The following CEP83 variants were observed in gnomAD, a reference collection of about 807,000 sequenced individuals.
CEP83 encodes the protein centrosomal protein 83.
CEP83 carries 70 observed loss-of-function variants against 101.9 expected under a neutral mutation model. That is an observed-to-expected ratio of 0.69 (90% CI 0.57 to 0.84). The LOEUF is 0.84. Ranked by LOEUF, CEP83 falls within the 40% of genes least tolerant of loss-of-function variation. CEP83 has a pLI of 0.00. For missense variants in CEP83, 715 were observed against 787.2 expected (o/e 0.91, Z 1.10); for synonymous variants, 264 against 267.9 (o/e 0.99, Z 0.14).
intron 2 of CEP83, among the ~76,000 whole-genome samples, chr12:94,431,965 CA>C (rs1302602216): frequency 1.3e-5 from 2 of 151,990 alleles, no homozygotes; most frequent in African/African-American, 4.8e-5. Flanking sequence ...ATCAGCATGT[CA>C]AAGGGATACC....
chr12:94,271,571 G>A, the CEP83 span, among the ~76,000 whole-genome samples: 2 of 152,196 alleles, frequency 1.3e-5, no homozygotes, highest in Non-Finnish European at 2.9e-5. Flanking sequence ...GTTTGAATCT[G>A]GGCTCAGCCA....
At chr12:94,419,768 C>T (rs78428051) in intron 2 of CEP83, among the ~76,000 whole-genome samples, 8,623 of 152,024 alleles carry the variant, frequency 0.057, 272 homozygotes, top group Non-Finnish European at 0.072. Context: ...TCAATAAAGG[C>T]CACTGGGACA....
chr12:94,380,242 A>G (rs1013303040), intron 6 of CEP83, among the ~76,000 whole-genome samples: 1 of 152,160 alleles, frequency 6.6e-6, no homozygotes, highest in Non-Finnish European at 1.5e-5. Flanking sequence ...ACACCTGTAA[A>G]ATGGGAAACT....
chr12:94,403,041 T>C (rs2137616394), intron 5 of CEP83, 129 bp downstream of exon 5: 4 of 547,162 alleles, frequency 7.3e-6, no homozygotes, highest in East Asian at 6.1e-5. Flanking sequence ...TGTGAAGCCT[T>C]AGAGGCCACT....
intron 14 of CEP83, among the ~76,000 whole-genome samples, chr12:94,330,239 ACAACT>A (rs1177217919): frequency 1.3e-5 from 2 of 152,120 alleles, no homozygotes; most frequent in Non-Finnish European, 2.9e-5. Context: ...TCAAATGAAG[ACAACT>A]CAAATCATTT....
chr12:94,350,786 A>G lies in CEP83; in HGVS notation c.1344-15122T>C, dbSNP rs969465476. Among the ~76,000 whole-genome samples, 7 of 152,340 alleles carry G rather than the reference A, an allele frequency of 4.6e-5. No homozygotes were observed. In the South Asian group the frequency reaches 8.3e-4, roughly 18 times the overall value. On this transcript the variant is annotated intron_variant, in intron 11 of 16. Coordinates refer to ENST00000397809, the MANE Select transcript of CEP83 (RefSeq NM_016122.3). ...AGAGAAAAACTAAACAAGAATAAAA[A>G]ATAAAATTTTTAAATGGACAAAAAA... is the stretch of plus-strand genomic sequence containing the variant.
At chr12:94,392,541 A>G (rs2062614964) in intron 6 of CEP83, among the ~76,000 whole-genome samples, 1 of 152,244 alleles carries the variant, frequency 6.6e-6, no homozygotes, top group Admixed American at 6.5e-5. Flanking sequence ...AAAGCAGGAA[A>G]GATCTAAAAT....
At chr12:94,353,857 T>TAA (rs35029140) in intron 11 of CEP83, among the ~76,000 whole-genome samples, 44 of 147,564 alleles carry the variant, frequency 3.0e-4, no homozygotes, top group Non-Finnish European at 4.3e-4. Context: ...AAAAGAACTG[T>TAA]AAAAAAAAAA....
At chr12:94,375,153 GGA>G (rs1358088704) in intron 8 of CEP83, among the ~76,000 whole-genome samples, 1 of 152,030 alleles carries the variant, frequency 6.6e-6, no homozygotes, top group Non-Finnish European at 1.5e-5. Context: ...GGAAAGAAAA[GGA>G]GAGACCAAAA....
chr12:94,321,901 C>T lies in CEP83; in HGVS notation c.1708-8884G>A, dbSNP rs200598212. Among the ~76,000 whole-genome samples, 13 of 152,272 alleles carry T rather than the reference C, an allele frequency of 8.5e-5. No homozygotes were observed. In the East Asian group the frequency reaches 1.2e-3, roughly 14 times the overall value. On this transcript the variant is annotated intron_variant, in intron 14 of 16. Transcript: ENST00000397809. ...TCAAGGACCCAAATAACAGTCTGGC[C>T]ACTTTTCCATAGGGCTGCTACAGTA...
intron 11 of CEP83, among the ~76,000 whole-genome samples, chr12:94,349,103 T>C (rs1387512842): frequency 6.6e-6 from 1 of 151,838 alleles, no homozygotes; most frequent in Non-Finnish European, 1.5e-5. Flanking sequence ...CTGGCCAACA[T>C]AGTGAAACAC....
chr12:94,340,062 A>C (rs1242776154), intron 11 of CEP83, among the ~76,000 whole-genome samples: 1 of 152,242 alleles, frequency 6.6e-6, no homozygotes, highest in Non-Finnish European at 1.5e-5. Flanking sequence ...GTTTTTAAAA[A>C]AGCAAATATC....
intron 1 of CEP83, among the ~76,000 whole-genome samples, chr12:94,456,880 C>A (rs2067722321): frequency 6.6e-6 from 1 of 152,156 alleles, no homozygotes; most frequent in Non-Finnish European, 1.5e-5. Flanking sequence ...TCATCGAGAT[C>A]TGAAGTCCTG....
At position 94,406,622 on chromosome 12, in the gene CEP83, T is replaced by C. The variant is rs189926411; in HGVS notation, c.325-3360A>G. On this transcript the variant is annotated intron_variant, in intron 4 of 16. Coordinates refer to ENST00000397809, the MANE Select transcript of CEP83 (RefSeq NM_016122.3). ...TAGAGAAAAGACTGAACATGTTGGATAGAGATAAAAAGACCAAGGCCGGGC... is the reference window on the plus strand; with the variant it reads ...TAGAGAAAAGACTGAACATGTTGGACAGAGATAAAAAGACCAAGGCCGGGC... Among the ~76,000 whole-genome samples the C allele has an allele frequency of 1.0e-3, 158 of 151,996 alleles. 2 individuals are homozygous for C. Among genetic ancestry groups the C allele is most frequent in the Admixed American group, 2.9e-3 (45 of 15,260 alleles).
Position 94,367,921 on chromosome 12 carries a change from CT to C in CEP83, c.1215del (p.Ala406GlnfsTer6), listed in dbSNP as rs2061101639. ...QDEKLELENR[L>X]ADLEKMKVEH... ...TCCACTTTCATTTTCTCCAAATCTG[CT>C]AATCTGTTCTCGAGTTCTAACCTAA... On this transcript the variant is annotated frameshift_variant, in exon 11 of 17. Transcript: ENST00000397809. LOFTEE classifies it high-confidence loss of function. 1.2e-6 allele frequency: 2 copies of C among 1,613,528 alleles called. No homozygotes were observed. The highest frequency in any genetic ancestry group is 1.7e-6 in the Non-Finnish European group (2 of 1,179,684).
At chr12:94,450,936 A>G (rs1174841754) in intron 1 of CEP83, among the ~76,000 whole-genome samples, 1 of 152,214 alleles carries the variant, frequency 6.6e-6, no homozygotes, top group East Asian at 1.9e-4. Context: ...TTATTTTGAA[A>G]CTTACTATAA....
In CEP83 at chr12:94,309,923, T is replaced by C; in HGVS notation, c.1996A>G (p.Met666Val). ...CCTAAAATAAATGCTCATACCTGCATATGAGGAGGAAATGGTAGTTCCATG... is the reference window on the plus strand; with the variant it reads ...CCTAAAATAAATGCTCATACCTGCACATGAGGAGGAAATGGTAGTTCCATG... ...PSMELPFPPHMQEEQHQRELS... is the reference protein window; with the variant it reads ...PSMELPFPPHVQEEQHQRELS... The change falls in exon 16 of 17, where the codon ATG (methionine) becomes GTG (valine). Residue 666 changes from methionine to valine, a missense_variant. Coordinates refer to ENST00000397809, the MANE Select transcript of CEP83 (RefSeq NM_016122.3). 4 of 1,572,760 alleles carry C rather than the reference T, an allele frequency of 2.5e-6. No individual in the cohort carries two copies. Among genetic ancestry groups the C allele is most frequent in the Non-Finnish European group, 2.6e-6 (3 of 1,155,406 alleles).
At chr12:94,265,696 G>T in the CEP83 span, among the ~76,000 whole-genome samples, 1 of 152,162 alleles carries the variant, frequency 6.6e-6, no homozygotes, top group African/African-American at 2.4e-5. Flanking sequence ...TATTTTCATG[G>T]ATTAGTTACA....
chr12:94,280,098 G>T, the CEP83 span: 5 of 324,492 alleles, frequency 1.5e-5, 1 homozygote, highest in South Asian at 9.9e-5. Context: ...CTGCTAGAAA[G>T]GTCATCTTCC....
Sources: gnomAD v4.1 joint callset for allele counts (sites outside exome capture counted in the v4.1 genomes callset) on GRCh38, gnomAD v4.1.1 for gene constraint, MANE v1.5 for transcripts, NCBI Gene and HGNC (gene_info 2026-07-23, HGNC 2026-07-21) for gene names.